Variants in MYO18B observed in about 807,000 individuals in gnomAD.
The protein encoded by MYO18B is myosin XVIIIB, also known as unconventional myosin-XVIIIb.
A neutral mutation model predicts 273.0 loss-of-function variants in MYO18B; 204 were observed. That is an observed-to-expected ratio of 0.75 (90% confidence interval 0.67 to 0.84). MYO18B has a LOEUF of 0.84. Ranked by LOEUF, MYO18B falls within the 40% of genes least tolerant of loss-of-function variation. The probability of loss-of-function intolerance (pLI) is 0.00; values close to 1 mark genes in which losing one functional copy is unlikely to be tolerated. For synonymous variants in MYO18B, 1,330 were observed against 1,305.7 expected (o/e 1.02, Z -0.40); for missense variants, 3,212 against 3,287.6 (o/e 0.98, Z 0.56).
intron 2 of MYO18B, 103 bp downstream of exon 2, chr22:25,761,234 C>A: frequency 7.7e-7 from 1 of 1,293,050 alleles, no homozygotes; most frequent in Non-Finnish European, 1.1e-6. Flanking sequence ...AGTCTGACAT[C>A]CAGCCCTCCT....
chr22:25,815,413 C>T (rs2088958712), intron 12 of MYO18B, among the ~76,000 whole-genome samples: 1 of 152,210 alleles, frequency 6.6e-6, no homozygotes, highest in Admixed American at 6.5e-5. Context: ...CTCTGCTCCT[C>T]AGGTTGGGTC....
intron 39 of MYO18B, among the ~76,000 whole-genome samples, chr22:25,992,016 G>A (rs1006735969): frequency 3.3e-5 from 5 of 152,092 alleles, no homozygotes; most frequent in East Asian, 3.8e-4. Context: ...TGGTTTTTAC[G>A]TTTACTCCTC....
At chr22:25,817,339 TTC>T (rs763291833) in intron 12 of MYO18B, among the ~76,000 whole-genome samples, 13 of 151,570 alleles carry the variant, frequency 8.6e-5, no homozygotes, top group East Asian at 3.9e-4. Flanking sequence ...TCTTTTTCTT[TTC>T]TCTCTTTCTT....
At chr22:25,778,656 A>G (rs538903070) in intron 8 of MYO18B, among the ~76,000 whole-genome samples, 3 of 151,260 alleles carry the variant, frequency 2.0e-5, no homozygotes, top group Non-Finnish European at 4.4e-5. Context: ...TTTTATTTTT[A>G]TTTTTTGTAT....
chr22:25,760,191 G>A (rs935193673), intron 1 of MYO18B, among the ~76,000 whole-genome samples: 6 of 151,948 alleles, frequency 3.9e-5, no homozygotes, highest in Non-Finnish European at 5.9e-5. Context: ...TGAAGCAGGC[G>A]GATCATGAGG....
chr22:25,976,640 C>T (rs1472508215), intron 39 of MYO18B, among the ~76,000 whole-genome samples: 3 of 152,154 alleles, frequency 2.0e-5, no homozygotes, highest in South Asian at 2.1e-4. Context: ...TGCCTTCACC[C>T]TATTTCTGAG....
chr22:25,832,700 C>T (rs1346174253), intron 15 of MYO18B, among the ~76,000 whole-genome samples: 2 of 152,088 alleles, frequency 1.3e-5, no homozygotes, highest in African/African-American at 4.8e-5. Context: ...GATGGGTGCA[C>T]AACAACATGA....
At chr22:25,756,000 C>G (rs967276605) in intron 1 of MYO18B, among the ~76,000 whole-genome samples, 1 of 152,070 alleles carries the variant, frequency 6.6e-6, no homozygotes, top group Non-Finnish European at 1.5e-5. Flanking sequence ...TGGGTTCACG[C>G]CATACTTTTG....
intron 42 of MYO18B, among the ~76,000 whole-genome samples, chr22:26,007,292 A>G (rs1230365546): frequency 6.6e-6 from 1 of 152,190 alleles, no homozygotes; most frequent in Non-Finnish European, 1.5e-5. Context: ...TATTAATTGT[A>G]TTTGGTCACA....
intron 21 of MYO18B, among the ~76,000 whole-genome samples, chr22:25,863,637 T>C (rs1342209751): frequency 6.6e-6 from 1 of 152,224 alleles, no homozygotes; most frequent in Non-Finnish European, 1.5e-5. Flanking sequence ...GAGGTTGTTA[T>C]CAAACATCTT....
chr22:25,996,892 C>T (rs1012742848), intron 40 of MYO18B, among the ~76,000 whole-genome samples: 1 of 152,086 alleles, frequency 6.6e-6, no homozygotes, highest in African/African-American at 2.4e-5. Context: ...ATCGCATCTT[C>T]CTCTTTCCCT....
At chr22:25,849,528 T>C (rs370889569) in intron 20 of MYO18B, among the ~76,000 whole-genome samples, 1 of 152,204 alleles carries the variant, frequency 6.6e-6, no homozygotes, top group East Asian at 1.9e-4. Flanking sequence ...ATGCATGCTA[T>C]TGAGTACCTA....
In MYO18B at chr22:25,921,240, C is replaced by A; in HGVS notation, c.5365-17C>A. The A allele has an allele frequency of 6.5e-7, 1 of 1,544,628 alleles. No individual in the cohort carries two copies. The highest frequency in any genetic ancestry group is 8.8e-7 in the Non-Finnish European group (1 of 1,141,284). On this transcript the variant is annotated splice_polypyrimidine_tract_variant and intron_variant, in intron 33 of 43. Transcript: ENST00000335473. ...TGCTTTGCCACCTAAGCTCATGGGT[C>A]TCCCTTTGGCTTTCAGATTGGCCAT...
intron 25 of MYO18B, among the ~76,000 whole-genome samples, chr22:25,887,403 C>T (rs1451769140): frequency 2.6e-5 from 4 of 152,084 alleles, no homozygotes; most frequent in Non-Finnish European, 4.4e-5. Flanking sequence ...TTTTCTGTTC[C>T]ACTCCATACA....
At chr22:25,885,498 G>A (rs559309827) in intron 25 of MYO18B, among the ~76,000 whole-genome samples, 1 of 152,280 alleles carries the variant, frequency 6.6e-6, no homozygotes, top group Non-Finnish European at 1.5e-5. Flanking sequence ...AAGAGCAGAG[G>A]CGGAGAGCAG....
At chr22:25,908,277 G>T in intron 31 of MYO18B, 45 bp from the exon 32 acceptor site, 1 of 1,465,882 alleles carries the variant, frequency 6.8e-7, no homozygotes, top group Non-Finnish European at 9.4e-7. Flanking sequence ...GGCTTGGAGA[G>T]TTAGAGTGGG....
At chr22:25,798,186 CAG>C in intron 12 of MYO18B, 89 bp downstream of exon 12, 1 of 1,420,044 alleles carries the variant, frequency 7.0e-7, no homozygotes. Context: ...GCGGTGGGAA[CAG>C]GGTCAATCTG....
intron 13 of MYO18B, among the ~76,000 whole-genome samples, chr22:25,825,291 G>T (rs1452706731): frequency 6.6e-6 from 1 of 152,172 alleles, no homozygotes; most frequent in Non-Finnish European, 1.5e-5. Flanking sequence ...GCCCAGGTTG[G>T]GGGTGGATTC....
chr22:25,967,546 G>C (rs1036549605), intron 39 of MYO18B, among the ~76,000 whole-genome samples: 1 of 152,180 alleles, frequency 6.6e-6, no homozygotes, highest in East Asian at 1.9e-4. Flanking sequence ...GGGGATCTCA[G>C]AATATGAGGA....
Sources: gnomAD v4.1 joint callset for allele counts (sites outside exome capture counted in the v4.1 genomes callset) on GRCh38, gnomAD v4.1.1 for gene constraint, MANE v1.5 for transcripts, NCBI Gene and HGNC (gene_info 2026-07-23, HGNC 2026-07-21) for gene names.